Variants in ACTR3C observed in about 807,000 individuals in gnomAD.
ACTR3C encodes actin related protein 3C.
Under a neutral mutation model 26.3 loss-of-function variants are expected in ACTR3C, and 18 were observed. The observed-to-expected ratio is 0.68, with a 90% CI of 0.47 to 1.01. ACTR3C has a LOEUF of 1.01. Among genes scored for constraint, ACTR3C ranks in the 50% least tolerant of loss-of-function variants. The pLI is 0.00. For missense variants in ACTR3C, 184 were observed against 250.7 expected (o/e 0.73, Z 1.80); for synonymous variants, 55 against 94.5 (o/e 0.58, Z 2.42).
At chr7:150,131,083 T>C in the ACTR3C span, among the ~76,000 whole-genome samples, 1 of 151,712 alleles carries the variant, frequency 6.6e-6, no homozygotes, top group African/African-American at 2.4e-5. Context: ...TTTTCAAAGC[T>C]CACTAAAATG....
chr7:150,217,056 T>A, the ACTR3C span, among the ~76,000 whole-genome samples: 1 of 147,336 alleles, frequency 6.8e-6, no homozygotes, highest in African/African-American at 2.7e-5. Flanking sequence ...AAAAGGGTTT[T>A]AAAGTGAAGT....
At chr7:150,203,734 T>A in the ACTR3C span, among the ~76,000 whole-genome samples, 1 of 151,896 alleles carries the variant, frequency 6.6e-6, no homozygotes, top group Non-Finnish European at 1.5e-5. Context: ...CCTGGCTAAT[T>A]TTTTGTATTT....
At chr7:150,175,268 G>T in the ACTR3C span, among the ~76,000 whole-genome samples, 6 of 148,392 alleles carry the variant, frequency 4.0e-5, no homozygotes, top group African/African-American at 1.6e-4. Flanking sequence ...CACTCTTTGT[G>T]GAGAGCACGT....
chr7:149,944,816 TA>T, the ACTR3C span, among the ~76,000 whole-genome samples: 1 of 150,976 alleles, frequency 6.6e-6, no homozygotes, highest in Non-Finnish European at 1.5e-5. Flanking sequence ...ATGTGACATC[TA>T]GGATGCACCA....
chr7:150,125,419 C>T, the ACTR3C span, among the ~76,000 whole-genome samples: 13 of 135,050 alleles, frequency 9.6e-5, no homozygotes, highest in Admixed American at 3.4e-4. Flanking sequence ...TAAAATTTCT[C>T]TAATAGAGAG....
At chr7:150,203,175 A>G in the ACTR3C span, among the ~76,000 whole-genome samples, 1 of 152,216 alleles carries the variant, frequency 6.6e-6, no homozygotes, top group African/African-American at 2.4e-5. Context: ...GACCTACTCA[A>G]TCAGAATCCA....
the ACTR3C span, among the ~76,000 whole-genome samples, chr7:149,969,631 G>C: frequency 2.0e-5 from 3 of 152,108 alleles, no homozygotes; most frequent in Non-Finnish European, 4.4e-5. Context: ...GTTATATTTT[G>C]ATATCCCTTT....
At chr7:150,035,517 ACTCTCGTGGGGGGTGCCTCCCCCTCCT>A in the ACTR3C span, among the ~76,000 whole-genome samples, 1 of 104,306 alleles carries the variant, frequency 9.6e-6, no homozygotes, top group South Asian at 3.1e-4. Context: ...CTCAGTCCCC[ACTCTCGTGGGGGGTGCCTCCCCCTCCT>A]GCGATGGGGG....
chr7:150,039,268 G>GC, the ACTR3C span, among the ~76,000 whole-genome samples: 99 of 147,542 alleles, frequency 6.7e-4, no homozygotes, highest in East Asian at 1.9e-3. Context: ...TCTCTGCCTC[G>GC]GGGGGGTGCC....
chr7:150,035,529 G>A, the ACTR3C span, among the ~76,000 whole-genome samples: 1 of 128,006 alleles, frequency 7.8e-6, no homozygotes, highest in Non-Finnish European at 1.7e-5. Context: ...TCTCGTGGGG[G>A]GTGCCTCCCC....
the ACTR3C span, among the ~76,000 whole-genome samples, chr7:149,975,688 T>C: frequency 6.6e-6 from 1 of 152,172 alleles, no homozygotes; most frequent in Admixed American, 6.6e-5. Context: ...AGACTCACAG[T>C]TCCACATGGC....
the ACTR3C span, among the ~76,000 whole-genome samples, chr7:149,913,423 C>T: frequency 3.9e-5 from 6 of 152,220 alleles, no homozygotes; most frequent in African/African-American, 1.4e-4. Context: ...TGGCCCAGGT[C>T]CTCAAAGTGT....
chr7:149,896,513 T>C, the ACTR3C span, among the ~76,000 whole-genome samples: 2,381 of 152,092 alleles, frequency 0.016, 36 homozygotes, highest in African/African-American at 0.055. Context: ...GAGACCAAAT[T>C]TGTGACTGGC....
chr7:150,043,865 T>A, the ACTR3C span, among the ~76,000 whole-genome samples: 6 of 152,294 alleles, frequency 3.9e-5, no homozygotes, highest in African/African-American at 1.4e-4. Flanking sequence ...ATCGTAAAGT[T>A]GATAGATCCC....
chr7:149,914,098 A>C, the ACTR3C span, among the ~76,000 whole-genome samples: 2 of 151,508 alleles, frequency 1.3e-5, no homozygotes, highest in African/African-American at 4.9e-5. Context: ...TATGTTGCCC[A>C]GATTGGTCTC....
At chr7:150,298,741 A>G (rs1179064518) in intron 1 of ACTR3C, among the ~76,000 whole-genome samples, 2 of 147,316 alleles carry the variant, frequency 1.4e-5, no homozygotes, top group African/African-American at 2.5e-5. Flanking sequence ...TTCTGAGGTT[A>G]AGAGACCCAA....
the ACTR3C span, among the ~76,000 whole-genome samples, chr7:150,230,549 C>T: frequency 0.011 from 1,632 of 151,926 alleles, 36 homozygotes; most frequent in African/African-American, 0.037. Context: ...CTCATAGGAG[C>T]GCAAGCCCTA....
At chr7:150,185,763 G>C in the ACTR3C span, among the ~76,000 whole-genome samples, 1 of 151,856 alleles carries the variant, frequency 6.6e-6, no homozygotes. Context: ...CTCTCACATG[G>C]ACCGATCTGG....
chr7:149,882,573 G>A, the ACTR3C span, among the ~76,000 whole-genome samples: 5 of 152,204 alleles, frequency 3.3e-5, no homozygotes, highest in Admixed American at 6.5e-5. Context: ...TCCCTGGCAC[G>A]ATCTGGTCTC....
Sources: gnomAD v4.1 joint callset for allele counts (sites outside exome capture counted in the v4.1 genomes callset) on GRCh38, gnomAD v4.1.1 for gene constraint, MANE v1.5 for transcripts, NCBI Gene and HGNC (gene_info 2026-07-23, HGNC 2026-07-21) for gene names.